Variants in MACROD2 observed in about 807,000 individuals in gnomAD.
MACROD2 encodes mono-ADP ribosylhydrolase 2, also known as ADP-ribose glycohydrolase MACROD2.
MACROD2 carries 36 observed loss-of-function variants against 70.4 expected under a neutral mutation model. That is an observed-to-expected ratio of 0.51 (90% CI 0.39 to 0.68). The LOEUF (loss-of-function observed/expected upper bound fraction) is 0.68. MACROD2 is among the 30% of genes least tolerant of loss of function. The pLI is 0.00. For synonymous variants in MACROD2, 172 were observed against 178.8 expected (o/e 0.96, Z 0.30); for missense variants, 496 against 538.4 (o/e 0.92, Z 0.78).
At chr20:15,051,994 G>C (rs529977061) in intron 5 of MACROD2, among the ~76,000 whole-genome samples, 1 of 152,146 alleles carries the variant, frequency 6.6e-6, no homozygotes, top group South Asian at 2.1e-4. Flanking sequence ...CTTGTGATCC[G>C]CCCGTCCCGG....
At chr20:15,737,755 G>A (rs1298105342) in intron 8 of MACROD2, among the ~76,000 whole-genome samples, 1 of 152,186 alleles carries the variant, frequency 6.6e-6, no homozygotes, top group Non-Finnish European at 1.5e-5. Flanking sequence ...TAGATGAGAA[G>A]CTCTGCTTTA....
intron 5 of MACROD2, among the ~76,000 whole-genome samples, chr20:15,218,812 G>A (rs2076832776): frequency 1.3e-5 from 2 of 151,884 alleles, no homozygotes; most frequent in South Asian, 2.1e-4. Flanking sequence ...TTGGGAGGTC[G>A]AGGTGGGTGG....
At chr20:14,953,392 C>T (rs755721803) in intron 5 of MACROD2, among the ~76,000 whole-genome samples, 4 of 150,602 alleles carry the variant, frequency 2.7e-5, no homozygotes, top group South Asian at 4.2e-4. Context: ...CTGCAAACTC[C>T]GCCTCCTGGG....
chr20:14,455,050 G>A (rs954987104), intron 3 of MACROD2, among the ~76,000 whole-genome samples: 8 of 151,710 alleles, frequency 5.3e-5, no homozygotes, highest in East Asian at 1.9e-4. Flanking sequence ...CTGTGCTGTC[G>A]CATATCTTGC....
At chr20:15,910,500 C>G (rs1465910191) in intron 10 of MACROD2, among the ~76,000 whole-genome samples, 1 of 151,486 alleles carries the variant, frequency 6.6e-6, no homozygotes, top group Admixed American at 6.6e-5. Context: ...CCACTAGATT[C>G]AAAAGTGGAG....
At chr20:16,015,787 G>A (rs2066920790) in intron 15 of MACROD2, among the ~76,000 whole-genome samples, 2 of 151,696 alleles carry the variant, frequency 1.3e-5, no homozygotes, top group Admixed American at 6.6e-5. Context: ...TAACATTATC[G>A]AAGCTGAGTG....
chr20:14,821,577 T>A (rs915164507), intron 5 of MACROD2, among the ~76,000 whole-genome samples: 1 of 152,098 alleles, frequency 6.6e-6, no homozygotes, highest in Non-Finnish European at 1.5e-5. Context: ...CCAGAGACAA[T>A]ACTTTCGTAA....
At chr20:14,906,455 C>T (rs190101945) in intron 5 of MACROD2, among the ~76,000 whole-genome samples, 3 of 152,240 alleles carry the variant, frequency 2.0e-5, no homozygotes, top group Non-Finnish European at 4.4e-5. Context: ...GATCGTGCCA[C>T]TGCACTCCAG....
At chr20:14,341,077 A>G (rs374217461) in intron 3 of MACROD2, among the ~76,000 whole-genome samples, 2 of 152,356 alleles carry the variant, frequency 1.3e-5, no homozygotes, top group South Asian at 2.1e-4. Context: ...AATACAATTC[A>G]GGTCTGTCTA....
chr20:15,769,949 A>G (rs1278539550), intron 8 of MACROD2, among the ~76,000 whole-genome samples: 1 of 152,088 alleles, frequency 6.6e-6, no homozygotes, highest in Non-Finnish European at 1.5e-5. Flanking sequence ...TTAAACTATT[A>G]AAGTTCCCAG....
chr20:14,162,530 A>G (rs926963125), intron 3 of MACROD2, among the ~76,000 whole-genome samples: 3 of 152,116 alleles, frequency 2.0e-5, no homozygotes, highest in Non-Finnish European at 4.4e-5. Flanking sequence ...TTTTCTTTAT[A>G]TACCTGGGTG....
At chr20:15,737,826 T>G (rs1029298902) in intron 8 of MACROD2, among the ~76,000 whole-genome samples, 4 of 151,962 alleles carry the variant, frequency 2.6e-5, no homozygotes, top group Non-Finnish European at 5.9e-5. Context: ...TAGACATATG[T>G]AATGGACTGG....
At chr20:14,079,042 A>C (rs1394496194) in intron 2 of MACROD2, among the ~76,000 whole-genome samples, 1 of 152,248 alleles carries the variant, frequency 6.6e-6, no homozygotes, top group African/African-American at 2.4e-5. Flanking sequence ...AAAAATAACC[A>C]AATTCCCTCA....
intron 10 of MACROD2, among the ~76,000 whole-genome samples, chr20:15,918,204 T>C (rs1373969504): frequency 6.6e-6 from 1 of 152,224 alleles, no homozygotes; most frequent in Non-Finnish European, 1.5e-5. Context: ...AATCATAATT[T>C]AATTGGCGTT....
intron 4 of MACROD2, among the ~76,000 whole-genome samples, chr20:14,661,391 T>A (rs1180908936): frequency 6.6e-6 from 1 of 152,202 alleles, no homozygotes; most frequent in Non-Finnish European, 1.5e-5. Context: ...CACTTTGTAA[T>A]GGGGTTATTT....
rs113636611 is a variant in MACROD2, at chr20:15,427,051, T to G, written c.541-4354T>G. On this transcript the variant is annotated intron_variant, in intron 6 of 17. Transcript: ENST00000684519. Reference sequence around the variant, plus strand: ...CTCTCTCTCTCTGAGTAATAAAAAATGATTAATGGAGTAGGCTTAGTTTAG... The same window carrying G: ...CTCTCTCTCTCTGAGTAATAAAAAAGGATTAATGGAGTAGGCTTAGTTTAG... Among the ~76,000 whole-genome samples, 108 of 152,282 alleles carry G rather than the reference T, an allele frequency of 7.1e-4. 2 individuals carry two copies. The highest frequency in any genetic ancestry group is 2.4e-3 in the African/African-American group (101 of 41,556).
intron 3 of MACROD2, chr20:14,327,496 G>C (rs777799315): frequency 6.2e-7 from 1 of 1,611,826 alleles, no homozygotes; most frequent in Non-Finnish European, 8.5e-7. Context: ...GCTCCAGGCT[G>C]CGCTGATCAT....
chr20:15,201,550 T>C (rs1047276582), intron 5 of MACROD2, among the ~76,000 whole-genome samples: 1 of 152,224 alleles, frequency 6.6e-6, no homozygotes, highest in Non-Finnish European at 1.5e-5. Flanking sequence ...AATTCATGAA[T>C]ACTGCCCAAG....
At chr20:14,658,773 C>A (rs1226567091) in intron 4 of MACROD2, among the ~76,000 whole-genome samples, 1 of 152,090 alleles carries the variant, frequency 6.6e-6, no homozygotes, top group African/African-American at 2.4e-5. Flanking sequence ...GCTGCCATGC[C>A]CGGCAAGTTT....
Sources: gnomAD v4.1 joint callset for allele counts (sites outside exome capture counted in the v4.1 genomes callset) on GRCh38, gnomAD v4.1.1 for gene constraint, MANE v1.5 for transcripts, NCBI Gene and HGNC (gene_info 2026-07-23, HGNC 2026-07-21) for gene names.